ROCK1: variants seen among roughly 807,000 people sequenced by gnomAD.
ROCK1 encodes rho-associated protein kinase 1.
ROCK1 carries 36 observed loss-of-function variants against 196.8 expected under a neutral mutation model. That is an observed-to-expected ratio of 0.18 (90% CI 0.14 to 0.24). The LOEUF is 0.24. Ranked by LOEUF, ROCK1 falls within the 10% of genes least tolerant of loss-of-function variation. The pLI, the probability that ROCK1 is intolerant of heterozygous loss-of-function variation, is 1.00. For synonymous variants in ROCK1, 443 were observed against 515.9 expected, an observed-to-expected ratio of 0.86 and a Z score of 1.91; for missense variants, 920 against 1,562.0, an observed-to-expected ratio of 0.59 and a Z score of 6.93.
intron 20 of ROCK1, among the ~76,000 whole-genome samples, chr18:20,984,071 C>T (rs1305560124): frequency 6.6e-6 from 1 of 152,106 alleles, no homozygotes; most frequent in East Asian, 1.9e-4. Flanking sequence ...TGAAATAAAC[C>T]TTGAACATCT....
intron 27 of ROCK1, among the ~76,000 whole-genome samples, chr18:20,966,600 T>C (rs2035376149): frequency 1.3e-5 from 2 of 152,214 alleles, no homozygotes; most frequent in African/African-American, 4.8e-5. Context: ...TTTTAAAAAA[T>C]AGTGAGATGT....
Position 21,099,165 on chromosome 18 carries a change from C to T in ROCK1, c.93+11653G>A, listed in dbSNP as rs1266544247. ...GGAGACTGAATTAACAATGCTAACA[C>T]CCACAAAATGGAACAGGACTCAGCT... On this transcript the variant is annotated intron_variant, in intron 1 of 32. Coordinates refer to ENST00000399799, the MANE Select transcript of ROCK1 (RefSeq NM_005406.3). Among the ~76,000 whole-genome samples, 11 of 152,094 alleles carry T rather than the reference C, an allele frequency of 7.2e-5. 1 individual carries two copies. The highest frequency in any genetic ancestry group is 7.2e-4 in the Admixed American group (11 of 15,240).
At chr18:20,967,660 C>T in intron 26 of ROCK1, 92 bp downstream of exon 26, 1 of 1,026,238 alleles carries the variant, frequency 9.7e-7, no homozygotes, top group Admixed American at 2.7e-5. Flanking sequence ...TGTTCCCAAT[C>T]TAAACAAGAT....
chr18:21,100,759 T>C (rs1444237521), intron 1 of ROCK1, among the ~76,000 whole-genome samples: 4 of 152,052 alleles, frequency 2.6e-5, no homozygotes, highest in African/African-American at 7.2e-5. Flanking sequence ...GTAGGGGATA[T>C]ATTCCTCTGT....
At chr18:21,006,281 T>C (rs1164973782) in intron 16 of ROCK1, 70 bp downstream of exon 16, 2 of 1,241,978 alleles carry the variant, frequency 1.6e-6, no homozygotes, top group Non-Finnish European at 2.2e-6. Context: ...ACTGTATATA[T>C]AAAAATGGTT....
chr18:21,086,968 A>C (rs2036533185), intron 1 of ROCK1, among the ~76,000 whole-genome samples: 1 of 152,056 alleles, frequency 6.6e-6, no homozygotes. Flanking sequence ...TTGAAAGTTA[A>C]AGCAAAAATT....
intron 1 of ROCK1, among the ~76,000 whole-genome samples, chr18:21,106,211 G>A (rs890689241): frequency 3.3e-5 from 5 of 152,206 alleles, no homozygotes; most frequent in Non-Finnish European, 7.3e-5. Context: ...ATCATGAAGC[G>A]ATGTGCCAAT....
intron 13 of ROCK1, among the ~76,000 whole-genome samples, chr18:21,008,612 C>T (rs1568382214): frequency 6.6e-6 from 1 of 152,180 alleles, no homozygotes; most frequent in Non-Finnish European, 1.5e-5. Flanking sequence ...ATGTACCTTT[C>T]TGAGTTACCA....
chr18:21,030,604 T>C (rs143303781), intron 9 of ROCK1, among the ~76,000 whole-genome samples: 209 of 152,318 alleles, frequency 1.4e-3, no homozygotes, highest in Non-Finnish European at 2.1e-3. Context: ...AATTCTGAGA[T>C]ACAAGTGGGG....
intron 16 of ROCK1, among the ~76,000 whole-genome samples, chr18:21,005,776 T>C (rs190349702): frequency 1.3e-5 from 2 of 151,488 alleles, no homozygotes; most frequent in African/African-American, 2.4e-5. Flanking sequence ...ACTCAGGAGG[T>C]TGAGGTGGGA....
intron 32 of ROCK1, among the ~76,000 whole-genome samples, chr18:20,952,501 G>GGCATGGTGGCTCA (rs1458358137): frequency 2.0e-5 from 3 of 152,032 alleles, no homozygotes; most frequent in Non-Finnish European, 4.4e-5. Flanking sequence ...TAAACAGCCA[G>GGCATGGTGGCTCA]GCATGGTGGC....
rs781743894 is a variant in ROCK1 at position 20,982,764 on chromosome 18, G to A, written c.2558C>T (p.Ser853Leu). 7 of 1,500,036 alleles carry A rather than the reference G, an allele frequency of 4.7e-6. No individual in the cohort carries two copies. Among genetic ancestry groups the A allele is most frequent in the African/African-American group, 2.8e-5 (2 of 72,562 alleles). The allele number at this position is 1,500,036 out of a possible 1,614,324, so 92.9% of individuals were successfully genotyped here. Residue 853 changes from serine (S) to leucine (L), a missense_variant and splice_region_variant, in exon 21 of 33, where the codon TCG becomes TTG. Around this residue, in one of 6 missense-constraint regions of ROCK1, gnomAD observed 520 missense variants for 657.1 expected, o/e 0.79. Coordinates refer to ENST00000399799, the MANE Select transcript of ROCK1 (RefSeq NM_005406.3). Reference sequence around the variant, plus strand: ...ATGTTAAAAATGATTCTCACTTACCGAGAAATATTGCTCAGCTTCAAGCTG... The same window carrying A: ...ATGTTAAAAATGATTCTCACTTACCAAGAAATATTGCTCAGCTTCAAGCTG... ...QDQLEAEQYF[S>L]TLYKTQVKEL...
chr18:21,023,480 G>T, intron 11 of ROCK1, 140 bp downstream of exon 11: 1 of 443,236 alleles, frequency 2.3e-6, no homozygotes. Context: ...AAGGAGATGG[G>T]AGATGAAAGT....
chr18:21,035,022 A>G (rs948115047), intron 9 of ROCK1, among the ~76,000 whole-genome samples: 8 of 152,244 alleles, frequency 5.3e-5, no homozygotes, highest in Non-Finnish European at 1.2e-4. Context: ...AAGCAACATG[A>G]CAAGATGTTT....
At chr18:20,961,341 T>C (rs1277799160) in intron 27 of ROCK1, among the ~76,000 whole-genome samples, 3 of 152,192 alleles carry the variant, frequency 2.0e-5, no homozygotes, top group African/African-American at 7.2e-5. Context: ...CAGTTAACAA[T>C]AGGTAACATT....
intron 4 of ROCK1, among the ~76,000 whole-genome samples, chr18:21,045,774 TCTC>T (rs962283442): frequency 3.3e-5 from 5 of 152,048 alleles, no homozygotes; most frequent in African/African-American, 4.8e-5. Flanking sequence ...AATATACAAA[TCTC>T]CTAGGCAAAG....
intron 1 of ROCK1, among the ~76,000 whole-genome samples, chr18:21,104,469 C>T (rs1292094504): frequency 2.0e-5 from 3 of 151,956 alleles, no homozygotes; most frequent in Non-Finnish European, 4.4e-5. Context: ...CGGTGGCGGG[C>T]GCCTGTAGTC....
At chr18:21,057,600 T>A (rs532271347) in intron 2 of ROCK1, among the ~76,000 whole-genome samples, 2 of 152,288 alleles carry the variant, frequency 1.3e-5, no homozygotes, top group South Asian at 4.1e-4. Context: ...GGCAGGCGGA[T>A]TGCTTGAGGT....
chr18:21,098,950 G>A (rs1379143520), intron 1 of ROCK1, among the ~76,000 whole-genome samples: 2 of 152,184 alleles, frequency 1.3e-5, no homozygotes, highest in Admixed American at 6.5e-5. Flanking sequence ...TATTGTTGGT[G>A]AGGACAACAG....
Sources: gnomAD v4.1 joint callset for allele counts (sites outside exome capture counted in the v4.1 genomes callset) on GRCh38, gnomAD v4.1.1 for gene constraint, gnomAD v4.1.1 regional missense constraint, MANE v1.5 for transcripts, NCBI Gene and HGNC (gene_info 2026-07-23, HGNC 2026-07-21) for gene names.